The following LEPR variants were observed in gnomAD, a reference collection of about 807,000 sequenced individuals.
LEPR encodes the protein OB receptor.
LEPR carries 56 observed loss-of-function variants against 114.7 expected under a neutral mutation model. The ratio of observed to expected loss-of-function variants is 0.49; its 90% CI spans 0.39 to 0.61. LEPR has a LOEUF of 0.61. LEPR is among the 20% of genes least tolerant of loss of function. The pLI is 0.00. For synonymous variants in LEPR, 443 were observed against 461.4 expected, an observed-to-expected ratio of 0.96 and a Z score of 0.51; for missense variants, 1,202 against 1,352.9, an observed-to-expected ratio of 0.89 and a Z score of 1.75.
At chr1:65,423,534 G>T (rs956633781) in intron 1 of LEPR, among the ~76,000 whole-genome samples, 7 of 152,150 alleles carry the variant, frequency 4.6e-5, no homozygotes, top group Non-Finnish European at 1.0e-4. Context: ...AGCAAAGCCT[G>T]CTGGGAAAAG....
intron 2 of LEPR, chr1:65,431,913 G>A: frequency 6.2e-7 from 1 of 1,613,892 alleles, no homozygotes. Context: ...GCTGGGAGCA[G>A]TGGTAGCACT....
In LEPR at chr1:65,467,673, G is replaced by A. The variant is rs369701076; in HGVS notation, c.-21+42295G>A. Among the ~76,000 whole-genome samples the A allele has an allele frequency of 7.2e-5, 11 of 152,202 alleles. 1 individual carries two copies. In the South Asian group the frequency reaches 1.4e-3, roughly 20 times the overall value. On this transcript the variant is annotated intron_variant, in intron 2 of 19. Coordinates refer to ENST00000349533, the MANE Select transcript of LEPR (RefSeq NM_002303.6). ...ATCTATAGAGGCAGTGAGCCTTGCCGTGCTGCGGTGGGCTCCACCCAGTTC... is the reference window on the plus strand; with the variant it reads ...ATCTATAGAGGCAGTGAGCCTTGCCATGCTGCGGTGGGCTCCACCCAGTTC...
chr1:65,598,497 CT>C lies in LEPR; in HGVS notation c.850-154del, dbSNP rs35143000. Among the ~76,000 whole-genome samples, 6 of 151,526 alleles carry C rather than the reference CT, an allele frequency of 4.0e-5. No individual in the cohort carries two copies. The East Asian group carries it at 5.8e-4, about 15-fold the overall frequency. ...AAAATTTTATTGACTAATGTGCAAA[CT>C]TTTTTTTTGGTTATTGATGTTTGTT... On this transcript the variant is annotated intron_variant, in intron 7 of 19. Coordinates refer to ENST00000349533, the MANE Select transcript of LEPR (RefSeq NM_002303.6).
At position 65,525,342 on chromosome 1, in the gene LEPR, T is replaced by TG. The variant is rs553727245; in HGVS notation, c.-20-40197dup. Among the ~76,000 whole-genome samples, 4 of 142,088 alleles carry TG rather than the reference T, an allele frequency of 2.8e-5. No individual in the cohort carries two copies. In the East Asian group the frequency reaches 6.1e-4, roughly 22 times the overall value. The allele number at this position is 142,088 out of a possible 152,430, so 93.2% of individuals were successfully genotyped here. ...TGCGGTCACCGACGCGGGTCCGGGG[T>TG]GGGGGGGTACTGCCAGGGAACTCGC... On this transcript the variant is annotated intron_variant, in intron 2 of 19. Coordinates refer to ENST00000349533, the MANE Select transcript of LEPR (RefSeq NM_002303.6).
At chr1:65,496,282 T>C (rs2100507919) in intron 2 of LEPR, among the ~76,000 whole-genome samples, 1 of 152,292 alleles carries the variant, frequency 6.6e-6, no homozygotes, top group South Asian at 2.1e-4. Context: ...ATAAAAACTT[T>C]TATTTTAGGG....
chr1:65,593,872 T>C (rs1655869449), intron 6 of LEPR, among the ~76,000 whole-genome samples: 1 of 109,944 alleles, frequency 9.1e-6, no homozygotes, highest in African/African-American at 3.6e-5. Context: ...CATTTTCTTT[T>C]CTTTGAAAAC....
intron 19 of LEPR, among the ~76,000 whole-genome samples, chr1:65,623,575 A>G (rs903150341): frequency 1.3e-5 from 2 of 152,146 alleles, no homozygotes; most frequent in Non-Finnish European, 2.9e-5. Context: ...CTGTTTTATT[A>G]ATTCTCATAA....
At chr1:65,457,005 T>C (rs1264238649) in intron 2 of LEPR, among the ~76,000 whole-genome samples, 1 of 152,198 alleles carries the variant, frequency 6.6e-6, no homozygotes, top group Admixed American at 6.5e-5. Flanking sequence ...TTTTTTAGTG[T>C]TTGCCCTAAA....
chr1:65,570,861 G>A, intron 4 of LEPR, 59 bp downstream of exon 4: 3 of 1,360,754 alleles, frequency 2.2e-6, no homozygotes, highest in Non-Finnish European at 2.9e-6. Flanking sequence ...TTTGATACCT[G>A]TATGAAATAG....
At chr1:65,554,187 G>A (rs1050382276) in intron 2 of LEPR, among the ~76,000 whole-genome samples, 4 of 152,152 alleles carry the variant, frequency 2.6e-5, no homozygotes, top group Admixed American at 6.5e-5. Context: ...AGGGTGGTTA[G>A]GAACCCATTT....
At position 65,573,431 on chromosome 1, in the gene LEPR, G is replaced by A. The variant is rs114093292; in HGVS notation, c.494+982G>A. On this transcript the variant is annotated intron_variant, in intron 5 of 19. Transcript: ENST00000349533. ...CTTTTTCAGATGATTTTTCGTATTC[G>A]ATCTCTTTATAAACTTAAAAATATG... Among the ~76,000 whole-genome samples, 562 of 152,236 alleles carry A rather than the reference G, an allele frequency of 3.7e-3. 2 individuals are homozygous for A. Among genetic ancestry groups the A allele is most frequent in the African/African-American group, 0.013 (524 of 41,524 alleles).
At chr1:65,502,636 C>T (rs1391889623) in intron 2 of LEPR, among the ~76,000 whole-genome samples, 1 of 151,994 alleles carries the variant, frequency 6.6e-6, no homozygotes, top group Non-Finnish European at 1.5e-5. Context: ...GAAAAGAAGT[C>T]AGAGAAATCA....
At chr1:65,616,670 G>C (rs142550669) in intron 15 of LEPR, among the ~76,000 whole-genome samples, 2 of 152,142 alleles carry the variant, frequency 1.3e-5, no homozygotes, top group Admixed American at 1.3e-4. Context: ...TATGGATGCA[G>C]GTTAATTGCT....
intron 2 of LEPR, among the ~76,000 whole-genome samples, chr1:65,503,371 T>G (rs1648559646): frequency 6.6e-6 from 1 of 152,106 alleles, no homozygotes; most frequent in African/African-American, 2.4e-5. Flanking sequence ...ACTAAACAAT[T>G]AACAATGCTA....
intron 1 of LEPR, among the ~76,000 whole-genome samples, chr1:65,421,712 G>A (rs1646254797): frequency 1.3e-5 from 2 of 152,174 alleles, no homozygotes; most frequent in Admixed American, 6.5e-5. Flanking sequence ...TAGTAAACAT[G>A]GTTTACTTGG....
chr1:65,435,085 G>C, intron 2 of LEPR: 1 of 985,418 alleles, frequency 1.0e-6, no homozygotes, highest in South Asian at 4.7e-5. Context: ...GATTCCAGCA[G>C]CTTATAGAAG....
intron 2 of LEPR, among the ~76,000 whole-genome samples, chr1:65,439,794 C>T (rs1284618444): frequency 1.4e-5 from 2 of 144,084 alleles, no homozygotes; most frequent in Non-Finnish European, 3.0e-5. Flanking sequence ...TGCCATTGCA[C>T]TCCAGCCTGG....
At chr1:65,626,075 A>T in intron 19 of LEPR, 2 of 1,570,208 alleles carry the variant, frequency 1.3e-6, no homozygotes, top group Non-Finnish European at 1.7e-6. Flanking sequence ...GGCCCACATC[A>T]GCAAAATGCA....
chr1:65,429,999 T>C lies in LEPR; in HGVS notation c.-21+4621T>C, dbSNP rs1646455417. 5.1e-6 allele frequency: 8 copies of C among 1,573,636 alleles called. No individual in the cohort carries two copies. In the South Asian group the frequency reaches 9.1e-5, roughly 18 times the overall value. On this transcript the variant is annotated intron_variant, in intron 2 of 19. Transcript: ENST00000349533. Reference sequence around the variant, plus strand: ...CTGGCATATTTCTTCACTACTGGAATTGTTGTTTCTGCCTTTGGATTTCCT... The same window carrying C: ...CTGGCATATTTCTTCACTACTGGAACTGTTGTTTCTGCCTTTGGATTTCCT...
Sources: allele counts gnomAD v4.1 joint callset (sites outside exome capture counted in the v4.1 genomes callset), GRCh38; gene constraint gnomAD v4.1.1; transcripts MANE v1.5; gene names NCBI Gene and HGNC (gene_info 2026-07-23, HGNC 2026-07-21).